BSN: variants seen among roughly 807,000 people sequenced by gnomAD.
BSN encodes protein bassoon.
In BSN, 57 loss-of-function variants were observed where a neutral mutation model predicts 264.8. That is an observed-to-expected ratio of 0.22 (90% CI 0.17 to 0.27). The LOEUF is 0.27. BSN is among the 10% of genes least tolerant of loss of function. BSN has a pLI of 1.00. For missense variants in BSN, 4,615 were observed against 5,232.5 expected (o/e 0.88, Z 3.64); for synonymous variants, 2,059 against 2,137.3 (o/e 0.96, Z 1.01).
chr3:49,589,545 C>G (rs1410657920), intron 1 of BSN, among the ~76,000 whole-genome samples: 6 of 141,388 alleles, frequency 4.2e-5, no homozygotes, highest in Non-Finnish European at 9.0e-5. Context: ...CTCACTCTGT[C>G]GCCCAGGCTG....
At position 49,628,541 on chromosome 3, in the gene BSN, G is replaced by T. The variant is rs533085603; in HGVS notation, c.633+3158G>T. Among the ~76,000 whole-genome samples the T allele has an allele frequency of 1.8e-3, 272 of 152,326 alleles. 11 individuals carry two copies. In the South Asian group the frequency reaches 0.054, roughly 30 times the overall value. ...AAGTTTCCCCTATCAGCCCTAGGCT[G>T]CTGGAGGTCTACTACACTTACACAG... On this transcript the variant is annotated intron_variant, in intron 2 of 11. Coordinates refer to ENST00000296452, the MANE Select transcript of BSN (RefSeq NM_003458.4).
chr3:49,619,504 C>G (rs755710908), intron 1 of BSN, among the ~76,000 whole-genome samples: 1 of 152,210 alleles, frequency 6.6e-6, no homozygotes, highest in African/African-American at 2.4e-5. Context: ...CCACCATTTG[C>G]AAGTCATGAT....
At chr3:49,565,162 T>C (rs2051743041) in intron 1 of BSN, among the ~76,000 whole-genome samples, 1 of 146,314 alleles carries the variant, frequency 6.8e-6, no homozygotes, top group South Asian at 2.2e-4. Context: ...TTTTTTTTTT[T>C]TGAGACGGAG....
At chr3:49,579,892 T>C (rs528108848) in intron 1 of BSN, among the ~76,000 whole-genome samples, 4 of 151,170 alleles carry the variant, frequency 2.6e-5, no homozygotes, top group Admixed American at 6.6e-5. Flanking sequence ...TCTATTAATA[T>C]GCTATATTAA....
intron 1 of BSN, among the ~76,000 whole-genome samples, chr3:49,605,440 ATATATAT>A (rs2052108677): frequency 1.1e-4 from 3 of 26,940 alleles, no homozygotes; most frequent in African/African-American, 3.3e-4. Flanking sequence ...AATATATATT[ATATATAT>A]TATATAATAT....
chr3:49,606,943 C>T (rs2052157764), intron 1 of BSN, among the ~76,000 whole-genome samples: 1 of 152,114 alleles, frequency 6.6e-6, no homozygotes, highest in African/African-American at 2.4e-5. Context: ...TGGTGAAACC[C>T]CATCTCTACT....
chr3:49,625,319 G>T lies in BSN; in HGVS notation c.569G>T (p.Cys190Phe). The T allele has an allele frequency of 1.3e-6, 2 of 1,586,806 alleles. No individual in the cohort carries two copies. Among genetic ancestry groups the T allele is most frequent in the African/African-American group, 2.7e-5 (2 of 74,026 alleles). Reference sequence around the variant, plus strand: ...CCCAGCCAGCCAAACTTCAACACCTGCACCCAGTGTCACAACAAGGTCTGC... The same window carrying T: ...CCCAGCCAGCCAAACTTCAACACCTTCACCCAGTGTCACAACAAGGTCTGC... ...STPSQPNFNT[C>F]TQCHNKVCNQ... Residue 190 changes from cysteine to phenylalanine, a missense_variant, in exon 2 of 12, where the codon TGC becomes TTC. Cys to Phe is a radical substitution (Grantham distance 205, BLOSUM62 -2). Coordinates refer to ENST00000296452, the MANE Select transcript of BSN (RefSeq NM_003458.4). This position sits in a 1 kb window ranked among gnomAD's most constrained non-coding sequence, Gnocchi z 4.4.
At chr3:49,563,053 T>C (rs1252279904) in intron 1 of BSN, among the ~76,000 whole-genome samples, 1 of 152,256 alleles carries the variant, frequency 6.6e-6, no homozygotes, top group Non-Finnish European at 1.5e-5. Flanking sequence ...TTCAGCTCTA[T>C]TGAGCATAGA....
At position 49,655,222 on chromosome 3, in the gene BSN, T is replaced by C; in HGVS notation, c.5666T>C (p.Leu1889Pro). ...GAGGAGCCTGCGGGTGCCCTGGACC[T>C]TACCGGGATGAGGCCTGAGAGCCAG... is the stretch of plus-strand genomic sequence containing the variant. ...LPEEPAGALD[L>P]TGMRPESQLA... The change falls in exon 5 of 12, where the codon CTT (leucine) becomes CCT (proline). Residue 1889 changes from leucine to proline, a missense_variant. This residue lies in a region of BSN where 3,415 missense variants were observed against 3,866.4 expected (regional missense o/e 0.88). Coordinates refer to ENST00000296452, the MANE Select transcript of BSN (RefSeq NM_003458.4). The C allele has an allele frequency of 1.2e-6, 2 of 1,613,038 alleles. No individual in the cohort carries two copies. Among genetic ancestry groups the C allele is most frequent in the Non-Finnish European group, 8.5e-7 (1 of 1,179,922 alleles).
At chr3:49,581,074 C>T (rs142127450) in intron 1 of BSN, among the ~76,000 whole-genome samples, 3,663 of 151,898 alleles carry the variant, frequency 0.024, 160 homozygotes, top group African/African-American at 0.084. Flanking sequence ...CTCTGCCTCC[C>T]GGGCTCAAGT....
intron 2 of BSN, among the ~76,000 whole-genome samples, chr3:49,639,483 C>T (rs2052444942): frequency 6.6e-6 from 1 of 152,188 alleles, no homozygotes; most frequent in Non-Finnish European, 1.5e-5. Flanking sequence ...CAGGCGTGAG[C>T]CACGGTGCAC....
chr3:49,657,746 C>T lies in BSN; in HGVS notation c.8190C>T (p.Ala2730=), dbSNP rs746606805. 37 of 1,548,180 alleles carry T rather than the reference C, an allele frequency of 2.4e-5. No individual in the cohort carries two copies. The highest frequency in any genetic ancestry group is 9.0e-5 in the East Asian group (4 of 44,276). The change falls in exon 5 of 12, where the codon GCC becomes GCT. Residue 2730 remains alanine (A), a synonymous_variant. Transcript: ENST00000296452. ...TEPDGQAQGV[A]GPQLVGPTAI... is the part of the protein sequence containing the mutation. ...CAGATGGGCAGGCCCAGGGTGTAGC[C>T]GGGCCGCAGCTTGTAGGGCCAACTG... is the stretch of plus-strand genomic sequence containing the variant.
chr3:49,640,086 C>T (rs542472937), intron 2 of BSN, among the ~76,000 whole-genome samples: 64 of 152,350 alleles, frequency 4.2e-4, no homozygotes, highest in African/African-American at 1.4e-3. Flanking sequence ...AGAGATGAGA[C>T]GGCACCTTCC....
At chr3:49,632,235 A>C (rs1030652388) in intron 2 of BSN, among the ~76,000 whole-genome samples, 1 of 152,204 alleles carries the variant, frequency 6.6e-6, no homozygotes, top group African/African-American at 2.4e-5. Context: ...AGAAGACAAC[A>C]TAGGGGATAA....
chr3:49,572,693 C>CTT (rs2051806900), intron 1 of BSN, among the ~76,000 whole-genome samples: 2 of 152,164 alleles, frequency 1.3e-5, no homozygotes, highest in African/African-American at 2.4e-5. Context: ...GCCACCACGC[C>CTT]CGGCTAATTT....
intron 3 of BSN, among the ~76,000 whole-genome samples, chr3:49,646,513 C>G (rs1314270318): frequency 1.3e-5 from 2 of 152,170 alleles, no homozygotes; most frequent in African/African-American, 4.8e-5. Flanking sequence ...GGGCATCAGG[C>G]CAGAGGTCCT....
At chr3:49,640,280 G>T (rs977183961) in intron 2 of BSN, among the ~76,000 whole-genome samples, 1 of 152,332 alleles carries the variant, frequency 6.6e-6, no homozygotes, top group East Asian at 1.9e-4. Context: ...TTGCCAGGAT[G>T]AATGAAGCAA....
In BSN at chr3:49,652,259, C is replaced by T; in HGVS notation, c.2703C>T (p.Ala901=). The change falls in exon 5 of 12, where the codon GCC becomes GCT. Residue 901 remains alanine (A), a synonymous_variant. Transcript: ENST00000296452. ...ALPKRRLPHN[A]TTGYEELLPE... ...CCAAGAGGCGCCTGCCCCACAATGC[C>T]ACCACGGGCTATGAGGAGCTGCTCC... 21 of 1,603,432 alleles carry T rather than the reference C, an allele frequency of 1.3e-5. No individual in the cohort carries two copies. Among genetic ancestry groups the T allele is most frequent in the Non-Finnish European group, 1.6e-5 (19 of 1,173,868 alleles).
Position 49,663,901 on chromosome 3 carries a change from T to A in BSN, c.11608+15T>A, listed in dbSNP as rs1191091006. ...TGGACCTGCAGGTGAGCCTATCCTT[T>A]GACACCCTTGGCTGTGGCCCAGAGC... On this transcript the variant is annotated intron_variant, in intron 8 of 11. Transcript: ENST00000296452. The A allele has an allele frequency of 1.2e-6, 2 of 1,612,572 alleles. No individual in the cohort carries two copies. The highest frequency in any genetic ancestry group is 1.7e-6 in the Non-Finnish European group (2 of 1,179,090).
Sources: gnomAD v4.1 joint callset for allele counts (sites outside exome capture counted in the v4.1 genomes callset) on GRCh38, gnomAD v4.1.1 for gene constraint, gnomAD v4.1.1 regional missense constraint, Gnocchi (gnomAD v3.1) non-coding constraint, MANE v1.5 for transcripts, NCBI Gene and HGNC (gene_info 2026-07-23, HGNC 2026-07-21) for gene names.